LRBA: variants seen among roughly 807,000 people sequenced by gnomAD.
LRBA encodes the protein lipopolysaccharide-responsive and beige-like anchor protein.
A neutral mutation model predicts 330.0 loss-of-function variants in LRBA; 176 were observed. The observed-to-expected ratio is 0.53, with a 90% CI of 0.47 to 0.60. The LOEUF is 0.60. LRBA is among the 20% of genes least tolerant of loss of function. The pLI, the probability that LRBA is intolerant of heterozygous loss-of-function variation, is 0.00. For synonymous variants in LRBA, 1,230 were observed against 1,193.0 expected (o/e 1.03, Z -0.64); for missense variants, 3,259 against 3,444.8 (o/e 0.95, Z 1.35).
intron 29 of LRBA, among the ~76,000 whole-genome samples, chr4:150,830,057 A>T (rs2126819028): frequency 6.6e-6 from 1 of 152,138 alleles, no homozygotes; most frequent in African/African-American, 2.4e-5. Context: ...ACCTAATCCA[A>T]CCCACCATAA....
In LRBA at chr4:150,633,310, C is replaced by T. The variant is rs542421153; in HGVS notation, c.5922-34179G>A. ...AATATTTAAAGTGCTTACAATAGTG[C>T]TTTGCATATAAGAAATACTTCTTGA... On this transcript the variant is annotated intron_variant, in intron 37 of 56. Transcript: ENST00000651943. Among the ~76,000 whole-genome samples the T allele has an allele frequency of 3.3e-5, 5 of 152,298 alleles. No homozygotes were observed. In the South Asian group the frequency reaches 8.3e-4, roughly 25 times the overall value.
chr4:150,769,241 G>A (rs1261036392), intron 34 of LRBA, among the ~76,000 whole-genome samples: 4 of 151,940 alleles, frequency 2.6e-5, no homozygotes, highest in Non-Finnish European at 4.4e-5. Context: ...CACCATGCCC[G>A]GCCTATCAAC....
chr4:150,439,434 C>T (rs557466534), intron 44 of LRBA, among the ~76,000 whole-genome samples: 103 of 151,758 alleles, frequency 6.8e-4, no homozygotes, highest in Non-Finnish European at 1.3e-3. Context: ...GCCTGCTATA[C>T]GACAGCTATC....
intron 5 of LRBA, among the ~76,000 whole-genome samples, chr4:150,918,845 C>A: frequency 6.6e-6 from 1 of 152,156 alleles, no homozygotes. Context: ...AATGTTACAG[C>A]TACTTTGGAA....
chr4:150,814,102 G>A (rs978398117), intron 31 of LRBA, among the ~76,000 whole-genome samples: 9 of 152,002 alleles, frequency 5.9e-5, no homozygotes, highest in African/African-American at 2.2e-4. Context: ...ACGGATACTT[G>A]AGGTACAGTT....
intron 37 of LRBA, among the ~76,000 whole-genome samples, chr4:150,625,217 A>G (rs1776730136): frequency 6.6e-6 from 1 of 152,122 alleles, no homozygotes; most frequent in African/African-American, 2.4e-5. Flanking sequence ...TTCTAACTAT[A>G]AAGGCCACTT....
chr4:150,681,801 T>C (rs1783077696), intron 37 of LRBA, among the ~76,000 whole-genome samples: 1 of 152,196 alleles, frequency 6.6e-6, no homozygotes, highest in African/African-American at 2.4e-5. Context: ...AAAATTTATT[T>C]CAGTTGTTTC....
intron 32 of LRBA, among the ~76,000 whole-genome samples, chr4:150,806,881 G>A (rs1428168799): frequency 6.6e-6 from 1 of 151,852 alleles, no homozygotes; most frequent in African/African-American, 2.4e-5. Context: ...TTTTATTGAA[G>A]TCAATTATTC....
rs531269532 is a variant in LRBA at position 150,325,759 on chromosome 4, G to A, written c.7452+50C>T. On this transcript the variant is annotated intron_variant, in intron 49 of 56. Transcript: ENST00000651943. Reference sequence around the variant, plus strand: ...AATGAAAGACTGTTATGAATATCAAGCGGATCTGAAGGAGAGGCAAGAAAT... The same window carrying A: ...AATGAAAGACTGTTATGAATATCAAACGGATCTGAAGGAGAGGCAAGAAAT... 26 of 1,206,206 alleles carry A rather than the reference G, an allele frequency of 2.2e-5. 1 individual carries two copies. In the South Asian group the frequency reaches 2.5e-4, roughly 12 times the overall value. 74.7% of individuals were successfully genotyped at this position (1,206,206 alleles called of 1,614,324 possible).
At chr4:150,606,861 A>G (rs1774690702) in intron 37 of LRBA, among the ~76,000 whole-genome samples, 1 of 152,208 alleles carries the variant, frequency 6.6e-6, no homozygotes, top group African/African-American at 2.4e-5. Context: ...TGTAAGTTAC[A>G]TGAAGAGAAG....
chr4:150,918,354 T>C (rs1732875614), intron 5 of LRBA, among the ~76,000 whole-genome samples: 2 of 152,118 alleles, frequency 1.3e-5, no homozygotes, highest in African/African-American at 2.4e-5. Flanking sequence ...AATAAAAATA[T>C]AAAAAGATGC....
At chr4:150,847,560 A>G (rs1470845036) in intron 26 of LRBA, among the ~76,000 whole-genome samples, 4 of 152,096 alleles carry the variant, frequency 2.6e-5, no homozygotes, top group Non-Finnish European at 4.4e-5. Flanking sequence ...TTCCACTTCC[A>G]TGTTATGTTT....
At position 150,771,027 on chromosome 4, in the gene LRBA, C is replaced by T. The variant is rs113892116; in HGVS notation, c.5581-9180G>A. ...CCATTTTTGCCTGAGGATTCAGAGGCAGGAGGAGCCCAAAGTGGCTGGGAA... is the reference window on the plus strand; with the variant it reads ...CCATTTTTGCCTGAGGATTCAGAGGTAGGAGGAGCCCAAAGTGGCTGGGAA... On this transcript the variant is annotated intron_variant, in intron 34 of 56. Transcript: ENST00000651943. Among the ~76,000 whole-genome samples, 877 of 152,274 alleles carry T rather than the reference C, an allele frequency of 5.8e-3. 10 individuals carry two copies. The highest frequency in any genetic ancestry group is 0.018 in the African/African-American group (759 of 41,548).
At chr4:150,770,800 C>A (rs888200557) in intron 34 of LRBA, among the ~76,000 whole-genome samples, 1 of 152,136 alleles carries the variant, frequency 6.6e-6, no homozygotes, top group African/African-American at 2.4e-5. Context: ...AAGCTTCATT[C>A]CTGAAGGGTC....
chr4:150,829,548 C>T (rs547602624), intron 29 of LRBA, among the ~76,000 whole-genome samples: 1 of 152,322 alleles, frequency 6.6e-6, no homozygotes, highest in South Asian at 2.1e-4. Context: ...CTAGACAATG[C>T]TTCCTTTCCT....
intron 37 of LRBA, among the ~76,000 whole-genome samples, chr4:150,648,861 C>T (rs1199488105): frequency 1.3e-5 from 2 of 152,020 alleles, no homozygotes; most frequent in Non-Finnish European, 2.9e-5. Flanking sequence ...TCCTACTTTC[C>T]TCCACATAAT....
intron 34 of LRBA, among the ~76,000 whole-genome samples, chr4:150,785,706 C>G (rs1280030000): frequency 2.0e-5 from 3 of 151,896 alleles, no homozygotes; most frequent in African/African-American, 7.3e-5. Flanking sequence ...TAATAATGTA[C>G]TTGACCAGAA....
At chr4:150,501,822 T>G (rs1206610351) in intron 40 of LRBA, among the ~76,000 whole-genome samples, 1 of 151,994 alleles carries the variant, frequency 6.6e-6, no homozygotes, top group African/African-American at 2.4e-5. Context: ...CATAATATAC[T>G]GAAAAGTTGT....
At position 150,493,242 on chromosome 4, in the gene LRBA, C is replaced by T. The variant is rs1279804807; in HGVS notation, c.6331-2207G>A. ...CAAGTGATCCTCCTGCCTCAGCCTC[C>T]CAAAGTGCTGGGATTATAGGCATGG... On this transcript the variant is annotated intron_variant, in intron 40 of 56. Coordinates refer to ENST00000651943, the MANE Select transcript of LRBA (RefSeq NM_001364905.1). 2.6e-5 allele frequency among the ~76,000 whole-genome samples: 4 copies of T among 152,142 alleles called. No individual in the cohort carries two copies. In the East Asian group the frequency reaches 7.7e-4, roughly 29 times the overall value.
Sources: allele counts gnomAD v4.1 joint callset (sites outside exome capture counted in the v4.1 genomes callset), GRCh38; gene constraint gnomAD v4.1.1; transcripts MANE v1.5; gene names NCBI Gene and HGNC (gene_info 2026-07-23, HGNC 2026-07-21).